IQGAP3: variants seen among roughly 807,000 people sequenced by gnomAD.
IQGAP3 encodes the protein IQ motif containing GTPase activating protein 3, also known as ras GTPase-activating-like protein IQGAP3.
Under a neutral mutation model 208.2 loss-of-function variants are expected in IQGAP3, and 165 were observed. That is an observed-to-expected ratio of 0.79 (90% CI 0.70 to 0.90). The LOEUF (loss-of-function observed/expected upper bound fraction) is 0.90, where lower values mean the gene tolerates loss of function less well. Among genes scored for constraint, IQGAP3 ranks in the 40% least tolerant of loss-of-function variants. The pLI, the probability that IQGAP3 is intolerant of heterozygous loss-of-function variation, is 0.00. For missense variants in IQGAP3, 1,811 were observed against 2,043.1 expected (o/e 0.89, Z 2.19); for synonymous variants, 703 against 803.6 (o/e 0.87, Z 2.12).
chr1:156,569,034 C>T (rs1676523553), intron 2 of IQGAP3, among the ~76,000 whole-genome samples: 1 of 151,858 alleles, frequency 6.6e-6, no homozygotes, highest in South Asian at 2.1e-4. Context: ...AATAAGATAA[C>T]TGTAAAAACA....
At chr1:156,527,134 A>C (rs894211550) in intron 37 of IQGAP3, among the ~76,000 whole-genome samples, 1 of 151,782 alleles carries the variant, frequency 6.6e-6, no homozygotes, top group Non-Finnish European at 1.5e-5. Flanking sequence ...CCCGGCCAAA[A>C]TCATTTTTCT....
intron 29 of IQGAP3, 40 bp from the exon 30 acceptor site, chr1:156,534,181 A>G: frequency 1.2e-6 from 2 of 1,608,922 alleles, no homozygotes; most frequent in Non-Finnish European, 1.7e-6. Context: ...GGGGAGGGCC[A>G]GCACCCCACA....
Position 156,530,873 on chromosome 1 carries a change from T to TGGTCTCTGTGCTCTGG in IQGAP3, c.4191+286_4191+287insCCAGAGCACAGAGACC, listed in dbSNP as rs564849926. Among the ~76,000 whole-genome samples, 43 of 152,312 alleles carry TGGTCTCTGTGCTCTGG rather than the reference T, an allele frequency of 2.8e-4. No homozygotes were observed. The South Asian group carries it at 4.4e-3, about 15-fold the overall frequency. ...TGAGTGCAGGCCTTCCAGGGGAGCA[T>TGGTCTCTGTGCTCTGG]TCCCAGACGGTCTCTCAGTGCCCCC... On this transcript the variant is annotated intron_variant, in intron 33 of 37. Coordinates refer to ENST00000361170, the MANE Select transcript of IQGAP3 (RefSeq NM_178229.5).
At chr1:156,566,168 C>T in intron 3 of IQGAP3, 64 bp from the exon 4 acceptor site, 1 of 1,451,428 alleles carries the variant, frequency 6.9e-7, no homozygotes, top group East Asian at 2.3e-5. Flanking sequence ...GGGTAAAGCC[C>T]AGACTACAGC....
intron 35 of IQGAP3, 52 bp downstream of exon 35, chr1:156,528,864 C>T: frequency 6.3e-7 from 1 of 1,598,122 alleles, no homozygotes; most frequent in Non-Finnish European, 8.6e-7. Context: ...GTGACATGGG[C>T]AGGGGTGAGA....
chr1:156,531,682 G>A (rs1674415880), intron 32 of IQGAP3, among the ~76,000 whole-genome samples: 1 of 145,058 alleles, frequency 6.9e-6, no homozygotes, highest in South Asian at 2.2e-4. Context: ...TCGGCTCACT[G>A]CAACCTCTGC....
At chr1:156,540,287 T>C (rs1674912982) in intron 23 of IQGAP3, among the ~76,000 whole-genome samples, 1 of 152,170 alleles carries the variant, frequency 6.6e-6, no homozygotes, top group Non-Finnish European at 1.5e-5. Flanking sequence ...CTACACACAT[T>C]TGAGGTGGAG....
At chr1:156,543,885 A>T in intron 22 of IQGAP3, 96 bp downstream of exon 22, 1 of 1,036,940 alleles carries the variant, frequency 9.6e-7, no homozygotes, top group Non-Finnish European at 1.5e-6. Context: ...CCTTCCCCTT[A>T]CCTGCTGTGC....
chr1:156,551,219 C>T (rs1029219763), intron 15 of IQGAP3, among the ~76,000 whole-genome samples: 1 of 152,168 alleles, frequency 6.6e-6, no homozygotes, highest in Non-Finnish European at 1.5e-5. Flanking sequence ...GGTTAAGTAA[C>T]ACGTGCAGGG....
intron 1 of IQGAP3, among the ~76,000 whole-genome samples, chr1:156,569,706 A>G (rs1452394629): frequency 6.6e-6 from 1 of 151,864 alleles, no homozygotes; most frequent in Non-Finnish European, 1.5e-5. Context: ...TTTTTAGTAG[A>G]GACAGGGTTT....
intron 27 of IQGAP3, chr1:156,536,775 T>C (rs1453842470): frequency 6.3e-6 from 1 of 157,864 alleles, no homozygotes; most frequent in Non-Finnish European, 1.4e-5. Flanking sequence ...CAAAAATAAA[T>C]GTAGAAAACC....
At chr1:156,559,646 C>T (rs917030505) in intron 11 of IQGAP3, among the ~76,000 whole-genome samples, 1 of 152,192 alleles carries the variant, frequency 6.6e-6, no homozygotes, top group Non-Finnish European at 1.5e-5. Flanking sequence ...AATGTTTTCA[C>T]CCGCTCATCA....
chr1:156,540,450 A>G (rs1268714600), intron 23 of IQGAP3, among the ~76,000 whole-genome samples: 1 of 152,136 alleles, frequency 6.6e-6, no homozygotes, highest in Non-Finnish European at 1.5e-5. Context: ...TAGAAGTGAA[A>G]TGAGCACCCA....
intron 34 of IQGAP3, 79 bp from the exon 35 acceptor site, chr1:156,529,161 C>T: frequency 6.9e-7 from 1 of 1,452,686 alleles, no homozygotes. Flanking sequence ...GGCCCAAGAG[C>T]TACACACTGT....
chr1:156,570,169 C>T (rs1216912015), intron 1 of IQGAP3, among the ~76,000 whole-genome samples: 1 of 152,216 alleles, frequency 6.6e-6, no homozygotes, highest in Non-Finnish European at 1.5e-5. Flanking sequence ...AACCAGAATT[C>T]ATCATTCACT....
chr1:156,545,001 G>A (rs1030695165), intron 19 of IQGAP3, among the ~76,000 whole-genome samples: 6 of 152,110 alleles, frequency 3.9e-5, no homozygotes, highest in African/African-American at 9.7e-5. Context: ...ATCTCTGCCC[G>A]CGGCCACCTG....
At position 156,535,214 on chromosome 1, in the gene IQGAP3, C is replaced by T; in HGVS notation, c.3456G>A (p.Lys1152=). The change falls in exon 28 of 38, where the codon AAG becomes AAA. Residue 1152 remains lysine (K), a synonymous_variant. Coordinates refer to ENST00000361170, the MANE Select transcript of IQGAP3 (RefSeq NM_178229.5). ...CAGGGAATTTCTCTGCCAGAGTTGC[C>T]TTCAGGACTTTGGCCACATATCGCA... ...YGMRYVAKVL[K]ATLAEKFPDA... 1.2e-6 allele frequency: 2 copies of T among 1,613,570 alleles called. No individual in the cohort carries two copies. The highest frequency in any genetic ancestry group is 1.7e-6 in the Non-Finnish European group (2 of 1,179,722).
At chr1:156,568,341 AG>A (rs1676496875) in intron 2 of IQGAP3, among the ~76,000 whole-genome samples, 1 of 152,032 alleles carries the variant, frequency 6.6e-6, no homozygotes, top group South Asian at 2.1e-4. Context: ...CAGCCTCCTG[AG>A]TAGCTGGGAT....
chr1:156,550,403 G>A, intron 15 of IQGAP3, 52 bp from the exon 16 acceptor site: 1 of 1,436,248 alleles, frequency 7.0e-7, no homozygotes, highest in Non-Finnish European at 9.7e-7. Context: ...AGTCTCTCTA[G>A]GTTCCCAGGC....
Sources: gnomAD v4.1 joint callset for allele counts (sites outside exome capture counted in the v4.1 genomes callset) on GRCh38, gnomAD v4.1.1 for gene constraint, MANE v1.5 for transcripts, NCBI Gene and HGNC (gene_info 2026-07-23, HGNC 2026-07-21) for gene names.